HDAC9: variants seen among roughly 807,000 people sequenced by gnomAD.
The protein encoded by HDAC9 is MEF-2 interacting transcription repressor (MITR) protein.
In HDAC9, 41 loss-of-function variants were observed where a neutral mutation model predicts 139.4. The observed-to-expected ratio is 0.29, with a 90% CI of 0.23 to 0.38. The LOEUF (loss-of-function observed/expected upper bound fraction) is 0.38. Among genes scored for constraint, HDAC9 ranks in the 10% least tolerant of loss-of-function variants. HDAC9 has a pLI of 1.00. For missense variants in HDAC9, 1,147 were observed against 1,297.0 expected (o/e 0.88, Z 1.78); for synonymous variants, 517 against 476.2 (o/e 1.09, Z -1.12).
chr7:18,139,055 A>G (rs572032522), intron 1 of HDAC9, among the ~76,000 whole-genome samples: 2 of 151,970 alleles, frequency 1.3e-5, no homozygotes, highest in Non-Finnish European at 2.9e-5. Context: ...GACAGTGGAA[A>G]GTATGCTTAA....
At chr7:18,186,849 T>G (rs1789953579) in intron 2 of HDAC9, among the ~76,000 whole-genome samples, 1 of 152,200 alleles carries the variant, frequency 6.6e-6, no homozygotes, top group African/African-American at 2.4e-5. Context: ...TAAAAGCAGA[T>G]TTTTATTTTC....
chr7:18,145,989 T>G (rs571403055), intron 1 of HDAC9, among the ~76,000 whole-genome samples: 61 of 152,190 alleles, frequency 4.0e-4, no homozygotes, highest in African/African-American at 1.4e-3. Flanking sequence ...AAAGGGCACA[T>G]AGCAAATATA....
intron 1 of HDAC9, among the ~76,000 whole-genome samples, chr7:18,295,943 T>A (rs1007570131): frequency 6.6e-6 from 1 of 152,148 alleles, no homozygotes; most frequent in Non-Finnish European, 1.5e-5. Context: ...AACCTTGACA[T>A]AGACTAATGC....
At chr7:18,584,171 C>G (rs1828725075) in intron 2 of HDAC9, among the ~76,000 whole-genome samples, 1 of 117,514 alleles carries the variant, frequency 8.5e-6, no homozygotes, top group South Asian at 2.8e-4. Flanking sequence ...GAGACAGTCT[C>G]GCTCTGTCAC....
At chr7:18,630,569 T>G (rs1295425373) in intron 7 of HDAC9, among the ~76,000 whole-genome samples, 3 of 152,112 alleles carry the variant, frequency 2.0e-5, no homozygotes, top group African/African-American at 7.2e-5. Context: ...TGGACAACTT[T>G]ATATGCTTAT....
At chr7:18,552,351 G>T (rs1475463276) in intron 2 of HDAC9, among the ~76,000 whole-genome samples, 1 of 151,720 alleles carries the variant, frequency 6.6e-6, no homozygotes, top group Non-Finnish European at 1.5e-5. Context: ...TATTTATATT[G>T]TCTTTTGCTT....
intron 2 of HDAC9, among the ~76,000 whole-genome samples, chr7:18,235,466 T>C (rs1346384081): frequency 6.6e-6 from 1 of 152,168 alleles, no homozygotes; most frequent in African/African-American, 2.4e-5. Flanking sequence ...ATGTACACAG[T>C]TGGGTCCGGT....
intron 1 of HDAC9, among the ~76,000 whole-genome samples, chr7:18,433,860 G>T (rs570112088): frequency 6.6e-6 from 1 of 152,276 alleles, no homozygotes; most frequent in South Asian, 2.1e-4. Context: ...GCAATTTACA[G>T]ATTTAATGCT....
At chr7:18,466,511 T>C (rs954723679) in intron 1 of HDAC9, among the ~76,000 whole-genome samples, 21 of 152,172 alleles carry the variant, frequency 1.4e-4, no homozygotes, top group African/African-American at 4.8e-4. Flanking sequence ...CCTTTTTCTT[T>C]ATCTTCAAAG....
At chr7:18,405,535 T>C (rs566894478) in intron 1 of HDAC9, among the ~76,000 whole-genome samples, 8 of 152,316 alleles carry the variant, frequency 5.3e-5, no homozygotes, top group South Asian at 2.1e-4. Context: ...CCTCCTGGTA[T>C]TGAGCAACTT....
At chr7:18,924,008 C>G (rs1803989509) in intron 22 of HDAC9, among the ~76,000 whole-genome samples, 1 of 151,502 alleles carries the variant, frequency 6.6e-6, no homozygotes, top group Admixed American at 6.6e-5. Context: ...TGAAAAGAAG[C>G]CTTTATTTTA....
chr7:18,231,351 C>T (rs772370160), intron 2 of HDAC9, among the ~76,000 whole-genome samples: 18 of 152,192 alleles, frequency 1.2e-4, no homozygotes, highest in Non-Finnish European at 1.8e-4. Context: ...CTGCGTTTCT[C>T]CCCACTTTAC....
At chr7:18,669,976 T>C (rs1795569332) in intron 12 of HDAC9, among the ~76,000 whole-genome samples, 1 of 151,894 alleles carries the variant, frequency 6.6e-6, no homozygotes, top group South Asian at 2.1e-4. Context: ...TTTCAAAGGA[T>C]GTTGAAAAGG....
chr7:18,595,485 AG>A (rs899614686), intron 6 of HDAC9, among the ~76,000 whole-genome samples: 15 of 152,092 alleles, frequency 9.9e-5, no homozygotes, highest in Non-Finnish European at 1.9e-4. Context: ...TTTGATCTGC[AG>A]GCTTGACATT....
intron 22 of HDAC9, among the ~76,000 whole-genome samples, chr7:18,880,902 AC>A (rs1449830909): frequency 6.6e-6 from 1 of 151,634 alleles, no homozygotes; most frequent in African/African-American, 2.4e-5. Context: ...TTTTTTTTAA[AC>A]AGAAAATTGT....
intron 1 of HDAC9, among the ~76,000 whole-genome samples, chr7:18,125,132 T>A (rs1784576446): frequency 6.6e-6 from 1 of 152,084 alleles, no homozygotes; most frequent in Admixed American, 6.6e-5. Context: ...TTGGAGGAAG[T>A]TGACTCGTGG....
At chr7:18,484,821 G>A (rs989960029) in intron 1 of HDAC9, among the ~76,000 whole-genome samples, 112 of 151,516 alleles carry the variant, frequency 7.4e-4, no homozygotes, top group African/African-American at 2.6e-3. Flanking sequence ...CTATTGCATG[G>A]CAGTCTGGAT....
At chr7:18,821,962 T>C (rs1027969654) in intron 17 of HDAC9, among the ~76,000 whole-genome samples, 1 of 152,178 alleles carries the variant, frequency 6.6e-6, no homozygotes, top group Non-Finnish European at 1.5e-5. Flanking sequence ...AAGAGATGCA[T>C]GGGAAGAGGT....
At chr7:18,669,037 C>T (rs1244734074) in intron 12 of HDAC9, among the ~76,000 whole-genome samples, 1 of 151,370 alleles carries the variant, frequency 6.6e-6, no homozygotes, top group Non-Finnish European at 1.5e-5. Context: ...CTATTTACAT[C>T]CAAAATTTTC....
Sources: allele counts gnomAD v4.1 joint callset (sites outside exome capture counted in the v4.1 genomes callset), GRCh38; gene constraint gnomAD v4.1.1; transcripts MANE v1.5; gene names NCBI Gene and HGNC (gene_info 2026-07-23, HGNC 2026-07-21).